WDR11: variants seen among roughly 807,000 people sequenced by gnomAD.
WDR11 encodes the protein WD repeat-containing protein 11.
In WDR11, 83 loss-of-function variants were observed where a neutral mutation model predicts 151.2. That is an observed-to-expected ratio of 0.55 (90% CI 0.46 to 0.66). WDR11 has a LOEUF of 0.66. Among genes scored for constraint, WDR11 ranks in the 30% least tolerant of loss-of-function variants. The pLI is 0.00. For missense variants in WDR11, 1,301 were observed against 1,480.9 expected, an observed-to-expected ratio of 0.88 and a Z score of 1.99; for synonymous variants, 484 against 533.1, an observed-to-expected ratio of 0.91 and a Z score of 1.27.
intron 11 of WDR11, among the ~76,000 whole-genome samples, chr10:120,875,978 CTTTTTTTTT>C (rs67775105): frequency 8.1e-6 from 1 of 122,812 alleles, no homozygotes; most frequent in Non-Finnish European, 1.7e-5. Context: ...CCTTTTTTTT[CTTTTTTTTT>C]TTTTTTTTGA....
chr10:120,896,782 G>A (rs749355834), intron 19 of WDR11, among the ~76,000 whole-genome samples: 1 of 152,172 alleles, frequency 6.6e-6, no homozygotes, highest in Non-Finnish European at 1.5e-5. Flanking sequence ...GGGAAATGGC[G>A]GTGGTGGGAA....
chr10:120,851,780 TC>T lies in WDR11; in HGVS notation c.86+276del, dbSNP rs201485974. ...GCACCTCGCCCTTTTGCCGTTCCATTCCTCTCTCTTTTCCTCTCCTCCAGCT... is the reference window on the plus strand; with the variant it reads ...GCACCTCGCCCTTTTGCCGTTCCATTCTCTCTCTTTTCCTCTCCTCCAGCT... On this transcript the variant is annotated intron_variant, in intron 1 of 28. Coordinates refer to ENST00000263461, the MANE Select transcript of WDR11 (RefSeq NM_018117.12). The T allele has an allele frequency of 5.8e-3, 3,188 of 549,832 alleles. 95 individuals carry two copies. Among genetic ancestry groups the T allele is most frequent in the African/African-American group, 0.055 (2,905 of 52,694 alleles). The allele number at this position is 549,832 out of a possible 1,614,324, so 34.1% of individuals were successfully genotyped here. A position where few individuals can be genotyped will look rare whatever the true frequency, so the allele number is the denominator to read the frequency against.
chr10:120,901,026 T>C lies in WDR11; in HGVS notation c.2625-10T>C. The C allele has an allele frequency of 6.2e-7, 1 of 1,601,048 alleles. No homozygotes were observed. Among genetic ancestry groups the C allele is most frequent in the Non-Finnish European group, 8.6e-7 (1 of 1,168,298 alleles). ...AGATAATGAACTCATTCAAAATTTT[T>C]TCTTTACAGTGACTATCCAGAAAAT... On this transcript the variant is annotated splice_polypyrimidine_tract_variant and intron_variant, in intron 20 of 28. Coordinates refer to ENST00000263461, the MANE Select transcript of WDR11 (RefSeq NM_018117.12).
chr10:120,907,177 G>A, intron 28 of WDR11: 1 of 329,264 alleles, frequency 3.0e-6, no homozygotes, highest in Non-Finnish European at 5.8e-6. Flanking sequence ...AGAAGGACCT[G>A]GTACTTTGAA....
At chr10:120,904,186 G>A (rs1225653444) in intron 24 of WDR11, 44 bp downstream of exon 24, 8 of 1,426,358 alleles carry the variant, frequency 5.6e-6, no homozygotes, top group Admixed American at 1.7e-5. Context: ...TAAATTGCTA[G>A]TTAATTCGTA....
chr10:120,894,293 G>A (rs1419028140), intron 19 of WDR11, among the ~76,000 whole-genome samples: 1 of 152,130 alleles, frequency 6.6e-6, no homozygotes, highest in Non-Finnish European at 1.5e-5. Flanking sequence ...TTTTTCCTAA[G>A]TAAGCATATA....
rs1279565642 is a variant in WDR11, at chr10:120,889,064, CTGT to C, written c.2122-9_2122-7del. Reference sequence around the variant, plus strand: ...TAGTGAAATTTATATTTGTTTGTTGCTGTTGTTTTCTAGGGAAGTATGGGTAGT... The same window carrying C: ...TAGTGAAATTTATATTTGTTTGTTGCTGTTTTCTAGGGAAGTATGGGTAGT... On this transcript the variant is annotated splice_polypyrimidine_tract_variant and intron_variant, in intron 16 of 28. Transcript: ENST00000263461. 10 of 1,558,748 alleles carry C rather than the reference CTGT, an allele frequency of 6.4e-6. No homozygotes were observed. Among genetic ancestry groups the C allele is most frequent in the Non-Finnish European group, 8.8e-6 (10 of 1,130,092 alleles).
intron 2 of WDR11, among the ~76,000 whole-genome samples, chr10:120,854,638 C>A (rs1323745902): frequency 1.3e-5 from 2 of 152,106 alleles, no homozygotes; most frequent in East Asian, 3.9e-4. Flanking sequence ...CTAATTTGTC[C>A]AAATCCTCAC....
chr10:120,861,247 G>A (rs7069468), intron 4 of WDR11, among the ~76,000 whole-genome samples: 9,531 of 152,236 alleles, frequency 0.063, 979 homozygotes, highest in African/African-American at 0.22. Context: ...GTGTCTGCAC[G>A]TGTTAAAGGA....
chr10:120,852,464 CAAGA>C, intron 1 of WDR11, 56 bp from the exon 2 acceptor site: 2 of 1,420,062 alleles, frequency 1.4e-6, no homozygotes, highest in East Asian at 2.3e-5. Flanking sequence ...TTAGGCTTGG[CAAGA>C]AAGAAGTCGT....
intron 10 of WDR11, among the ~76,000 whole-genome samples, chr10:120,871,939 T>C (rs1436616326): frequency 6.6e-6 from 1 of 152,216 alleles, no homozygotes; most frequent in Non-Finnish European, 1.5e-5. Context: ...TAATTTTCTT[T>C]ACAGCATAGA....
intron 19 of WDR11, among the ~76,000 whole-genome samples, chr10:120,891,861 A>G (rs1847439350): frequency 6.6e-6 from 1 of 152,122 alleles, no homozygotes; most frequent in African/African-American, 2.4e-5. Context: ...GGGCACCACC[A>G]CTTCTTACTA....
chr10:120,890,770 G>A lies in WDR11; in HGVS notation c.2398G>A (p.Asp800Asn). ...CAGAAATGTGACCTTTCGTATATTGGATGTGGACTGGTGTACGTCAGATAA... is the reference window on the plus strand; with the variant it reads ...CAGAAATGTGACCTTTCGTATATTGAATGTGGACTGGTGTACGTCAGATAA... ...SGRNVTFRIL[D>N]VDWCTSDKVI... is the part of the protein sequence containing the mutation. Residue 800 changes from aspartate to asparagine, a missense_variant, in exon 19 of 29, where the codon GAT (aspartate) becomes AAT (asparagine). Physicochemically the swap from Asp to Asn is conservative, Grantham distance 23. Coordinates refer to ENST00000263461, the MANE Select transcript of WDR11 (RefSeq NM_018117.12). 6.2e-7 allele frequency: 1 copy of A among 1,614,196 alleles called. No individual in the cohort carries two copies. Among genetic ancestry groups the A allele is most frequent in the Non-Finnish European group, 8.5e-7 (1 of 1,180,046 alleles).
chr10:120,890,940 A>G (rs928689246), intron 19 of WDR11, 53 bp downstream of exon 19: 3 of 1,580,926 alleles, frequency 1.9e-6, no homozygotes, highest in African/African-American at 1.3e-5. Context: ...CTTTGCCACA[A>G]GCTCTTGTAT....
Position 120,907,278 on chromosome 10 carries a change from G to A in WDR11, c.3517+423G>A, listed in dbSNP as rs1483488683. On this transcript the variant is annotated intron_variant, in intron 28 of 28. Transcript: ENST00000263461. ...ACTGGAATAACTAAAAAAGTCTCAC[G>A]ATCACCTCTAGTGACAATATGATAT... The A allele has an allele frequency of 1.6e-5, 4 of 251,626 alleles. No homozygotes were observed. The South Asian group carries it at 1.6e-4, about 10-fold the overall frequency. The allele number at this position is 251,626 out of a possible 1,614,324, so 15.6% of individuals were successfully genotyped here.
intron 28 of WDR11, chr10:120,907,176 T>C (rs1044616334): frequency 2.7e-5 from 9 of 339,280 alleles, no homozygotes; most frequent in African/African-American, 1.5e-4. Flanking sequence ...TAGAAGGACC[T>C]GGTACTTTGA....
Position 120,873,914 on chromosome 10 carries a change from G to T in WDR11, c.1547G>T (p.Cys516Phe). ...LLHKELSIHS[C>F]EVKGIEWTSL... ...CACAAAGAGTTAAGCATCCACTCAT[G>T]TGAAGTCAAGTAAGTATGTCATTGT... The change falls in exon 11 of 29, where the codon TGT becomes TTT. Residue 516 changes from cysteine (C) to phenylalanine (F), a missense_variant. Cys to Phe is a radical substitution (Grantham distance 205). Around this residue, in one of 3 missense-constraint regions of WDR11, gnomAD observed 692 missense variants for 762.5 expected, o/e 0.91. Transcript: ENST00000263461. 1 of 1,608,502 alleles carries T rather than the reference G, an allele frequency of 6.2e-7. No homozygotes were observed. Among genetic ancestry groups the T allele is most frequent in the African/African-American group, 1.3e-5 (1 of 74,914 alleles).
intron 11 of WDR11, among the ~76,000 whole-genome samples, chr10:120,877,089 T>C (rs1037672835): frequency 7.2e-5 from 11 of 152,228 alleles, no homozygotes; most frequent in African/African-American, 2.4e-4. Context: ...AAAGTTTTAA[T>C]AGCTAATTAA....
chr10:120,861,374 A>G (rs1031779101), intron 4 of WDR11, among the ~76,000 whole-genome samples: 4 of 152,202 alleles, frequency 2.6e-5, no homozygotes, highest in Non-Finnish European at 5.9e-5. Flanking sequence ...GGACGTGTGC[A>G]TACATACACT....
Sources: allele counts gnomAD v4.1 joint callset (sites outside exome capture counted in the v4.1 genomes callset), GRCh38; gene constraint gnomAD v4.1.1; regional missense constraint gnomAD v4.1.1; transcripts MANE v1.5; gene names NCBI Gene and HGNC (gene_info 2026-07-23, HGNC 2026-07-21).